RPP38: variants seen among roughly 807,000 people sequenced by gnomAD.
RPP38 encodes ribonuclease P/MRP subunit p38, also known as ribonuclease P protein subunit p38.
In RPP38, 2 loss-of-function variants were observed where a neutral mutation model predicts 1.7. The ratio of observed to expected loss-of-function variants is 1.18; its 90% confidence interval spans 0.48 to 3.70. The LOEUF (loss-of-function observed/expected upper bound fraction) is 3.70. Ranked by LOEUF, RPP38 falls within the 30% of genes most tolerant of loss-of-function variation. The pLI, the probability that RPP38 is intolerant of heterozygous loss-of-function variation, is 0.07. For synonymous variants in RPP38, 151 were observed against 131.8 expected, an observed-to-expected ratio of 1.15 and a Z score of -1.00; for missense variants, 358 against 340.1, an observed-to-expected ratio of 1.05 and a Z score of -0.41.
intron 1 of RPP38, among the ~76,000 whole-genome samples, chr10:15,099,029 C>G (rs1290103248): frequency 6.7e-6 from 1 of 150,304 alleles, no homozygotes; most frequent in Non-Finnish European, 1.5e-5. Context: ...TAATTACTTG[C>G]TAATATTTTT....
chr10:15,101,660 G>T (rs1295722159), intron 1 of RPP38, among the ~76,000 whole-genome samples: 2 of 152,176 alleles, frequency 1.3e-5, no homozygotes, highest in Non-Finnish European at 2.9e-5. Flanking sequence ...GGAAGCTGAG[G>T]TGGGTGAATC....
In RPP38 at chr10:15,097,512, T is replaced by C. The variant is rs1184054959; in HGVS notation, c.-384T>C. ...CCGAAGCCCGCGCGCACGCAGGGTC[T>C]CTGCTGCTTCCCCAACGCCTGTTGC... On this transcript the variant is annotated 5_prime_UTR_variant, in exon 1 of 3. Transcript: ENST00000378197. 1 of 152,296 alleles carries C rather than the reference T, an allele frequency of 6.6e-6. No homozygotes were observed. The highest frequency in any genetic ancestry group is 1.5e-5 in the Non-Finnish European group (1 of 68,082). 9.4% of individuals were successfully genotyped at this position (152,296 alleles called of 1,614,324 possible). A position where few individuals can be genotyped will look rare whatever the true frequency, so the allele number is the denominator to read the frequency against.
intron 1 of RPP38, among the ~76,000 whole-genome samples, chr10:15,102,003 CAG>C (rs1298702537): frequency 3.9e-5 from 6 of 152,056 alleles, no homozygotes; most frequent in Non-Finnish European, 8.8e-5. Flanking sequence ...GTGGACGTGA[CAG>C]TGTTATTTGA....
chr10:15,100,082 T>C (rs1277399682), intron 1 of RPP38, among the ~76,000 whole-genome samples: 5 of 152,230 alleles, frequency 3.3e-5, no homozygotes, highest in Admixed American at 3.3e-4. Context: ...CAGTACTTTG[T>C]TTCTGGATTA....
chr10:15,100,758 A>G (rs1845087157), intron 1 of RPP38, among the ~76,000 whole-genome samples: 1 of 151,280 alleles, frequency 6.6e-6, no homozygotes. Flanking sequence ...TTGACTCACT[A>G]CAACCTCCGT....
rs10906829 is a variant in RPP38 at position 15,101,257 on chromosome 10, C to A, written c.-129-961C>A. Among the ~76,000 whole-genome samples, 2 of 152,178 alleles carry A rather than the reference C, an allele frequency of 1.3e-5. 1 individual carries two copies. The highest frequency in any genetic ancestry group is 4.8e-5 in the African/African-American group (2 of 41,446). On this transcript the variant is annotated intron_variant, in intron 1 of 2. Transcript: ENST00000378197. ...AGAGAGTGCTTTATACAGCGATACACTGCACAGACACACTTGCCTTCAACA... is the reference window on the plus strand; with the variant it reads ...AGAGAGTGCTTTATACAGCGATACAATGCACAGACACACTTGCCTTCAACA...
rs756765287 is a variant in RPP38 at position 15,103,458 on chromosome 10, T to G, written c.144T>G (p.Leu48=). The G allele has an allele frequency of 3.7e-6, 6 of 1,614,112 alleles. No homozygotes were observed. In the South Asian group the frequency reaches 6.6e-5, roughly 18 times the overall value. ...ATATGCACTTCATCCTACAGACGCT[T>G]GAGGACAGGCTTAAAGCTATTGGAC... The part of the protein sequence containing the change: ...SEDMHFILQT[L]EDRLKAIGLQ... The change falls in exon 3 of 3, where the codon CTT becomes CTG. Residue 48 remains leucine, a synonymous_variant. Transcript: ENST00000378197.
rs2131438056 is a variant in RPP38 at position 15,104,120 on chromosome 10, A to T, written c.806A>T (p.Asn269Ile). The change falls in exon 3 of 3, where the codon AAT (asparagine) becomes ATT (isoleucine). Residue 269 changes from asparagine to isoleucine, a missense_variant. Coordinates refer to ENST00000378197, the MANE Select transcript of RPP38 (RefSeq NM_183005.5). ...ATAAAGAAACTGATTCCAAACCCTA[A>T]TAAGATAAGGAAACCACCCAAAAGT... ...LKIKKLIPNP[N>I]KIRKPPKSKK... 1 of 1,586,084 alleles carries T rather than the reference A, an allele frequency of 6.3e-7. No individual in the cohort carries two copies. The highest frequency in any genetic ancestry group is 8.5e-7 in the Non-Finnish European group (1 of 1,172,368).
chr10:15,103,977 T>G lies in RPP38; in HGVS notation c.663T>G (p.Thr221=). The G allele has an allele frequency of 6.2e-7, 1 of 1,614,058 alleles. No individual in the cohort carries two copies. The highest frequency in any genetic ancestry group is 8.5e-7 in the Non-Finnish European group (1 of 1,179,988). ...RIEDSGENLE[T]EPLESQDREL... ...AAGATTCTGGGGAAAATTTAGAGACTGAACCTCTGGAAAGCCAAGACAGAG... is the reference window on the plus strand; with the variant it reads ...AAGATTCTGGGGAAAATTTAGAGACGGAACCTCTGGAAAGCCAAGACAGAG... The change falls in exon 3 of 3, where the codon ACT becomes ACG. Residue 221 remains threonine, a synonymous_variant. Coordinates refer to ENST00000378197, the MANE Select transcript of RPP38 (RefSeq NM_183005.5).
chr10:15,104,121 T>G lies in RPP38; in HGVS notation c.807T>G (p.Asn269Lys). The change falls in exon 3 of 3, where the codon AAT becomes AAG. Residue 269 changes from asparagine (N) to lysine (K), a missense_variant. Physicochemically the swap from Asn to Lys is moderately conservative, Grantham distance 94 (BLOSUM62 0). Transcript: ENST00000378197. Reference sequence around the variant, plus strand: ...TAAAGAAACTGATTCCAAACCCTAATAAGATAAGGAAACCACCCAAAAGTA... The same window carrying G: ...TAAAGAAACTGATTCCAAACCCTAAGAAGATAAGGAAACCACCCAAAAGTA... ...LKIKKLIPNPNKIRKPPKSKK... is the reference protein window; with the variant it reads ...LKIKKLIPNPKKIRKPPKSKK... The G allele has an allele frequency of 6.3e-7, 1 of 1,583,262 alleles. No individual in the cohort carries two copies. The highest frequency in any genetic ancestry group is 8.5e-7 in the Non-Finnish European group (1 of 1,171,508).
In RPP38 at chr10:15,102,231, T is replaced by G. The variant is rs1589273191; in HGVS notation, c.-116T>G. On this transcript the variant is annotated 5_prime_UTR_variant, in exon 2 of 3. Transcript: ENST00000378197. ...TTTTTTTTGCAGACAGGGTCAGATG[T>G]GTTACTGGGCTGGAGTGTGGTGGCA... 6.6e-6 allele frequency: 1 copy of G among 150,526 alleles called. No homozygotes were observed. Among genetic ancestry groups the G allele is most frequent in the Admixed American group, 6.7e-5 (1 of 14,934 alleles). 9.3% of individuals were successfully genotyped at this position (150,526 alleles called of 1,614,324 possible).
At chr10:15,102,445 C>T (rs993373148) in intron 2 of RPP38, 109 bp downstream of exon 2, 1 of 152,012 alleles carries the variant, frequency 6.6e-6, no homozygotes, top group Non-Finnish European at 1.5e-5. Flanking sequence ...CACAGCCTCC[C>T]GAAATTCTGA....
In RPP38 at chr10:15,103,429, G is replaced by A. The variant is rs138478042; in HGVS notation, c.115G>A (p.Glu39Lys). The change falls in exon 3 of 3, where the codon GAG becomes AAG. Residue 39 changes from glutamate (E) to lysine (K), a missense_variant. Glu to Lys is a moderately conservative substitution (Grantham distance 56). Transcript: ENST00000378197. ...CATCCGCTGGAGCGCTCTGGAGAGC[G>A]AGGATATGCACTTCATCCTACAGAC... is the stretch of plus-strand genomic sequence containing the variant. ...YIIRWSALESEDMHFILQTLE... is the reference protein window; with the variant it reads ...YIIRWSALESKDMHFILQTLE... The A allele has an allele frequency of 3.2e-5, 51 of 1,614,096 alleles. No individual in the cohort carries two copies. The highest frequency in any genetic ancestry group is 4.0e-5 in the African/African-American group (3 of 74,936).
At chr10:15,101,727 TA>T (rs1214044491) in intron 1 of RPP38, among the ~76,000 whole-genome samples, 2 of 151,966 alleles carry the variant, frequency 1.3e-5, no homozygotes. Flanking sequence ...CCATCTCTAC[TA>T]AAAATACAAA....
rs747182566 is a variant in RPP38, at chr10:15,103,603, G to T, written c.289G>T (p.Ala97Ser). Residue 97 changes from alanine (A) to serine (S), a missense_variant, in exon 3 of 3, where the codon GCT (alanine) becomes TCT (serine). By Grantham distance (99) the Ala-to-Ser change is moderately conservative. Coordinates refer to ENST00000378197, the MANE Select transcript of RPP38 (RefSeq NM_183005.5). ...GAATCTGAAGGAGAAGAAAACAGAT[G>T]CTAAGCAGCAAGTGTCAGGGTGGAC... Reference protein sequence around the residue: ...SENLKEKKTDAKQQVSGWTPA... With the variant: ...SENLKEKKTDSKQQVSGWTPA... 1 of 1,614,138 alleles carries T rather than the reference G, an allele frequency of 6.2e-7. No individual in the cohort carries two copies. Among genetic ancestry groups the T allele is most frequent in the African/African-American group, 1.3e-5 (1 of 75,048 alleles).
rs1845208008 is a variant in RPP38 at position 15,103,876 on chromosome 10, G to A, written c.562G>A (p.Asp188Asn). Residue 188 changes from aspartate to asparagine, a missense_variant, in exon 3 of 3, where the codon GAC becomes AAC. Transcript: ENST00000378197. ...LALAFKKNTT[D>N]FVDEVRAIIP... Reference sequence around the variant, plus strand: ...CTTGGCGTTCAAAAAGAACACCACTGACTTTGTGGACGAAGTAAGAGCCAT... The same window carrying A: ...CTTGGCGTTCAAAAAGAACACCACTAACTTTGTGGACGAAGTAAGAGCCAT... 4 of 1,614,182 alleles carry A rather than the reference G, an allele frequency of 2.5e-6. No homozygotes were observed. The highest frequency in any genetic ancestry group is 2.5e-6 in the Non-Finnish European group (3 of 1,180,038).
intron 1 of RPP38, 148 bp from the exon 2 acceptor site, chr10:15,102,070 T>G (rs1295131787): frequency 5.3e-5 from 8 of 152,184 alleles, no homozygotes; most frequent in African/African-American, 1.9e-4. Flanking sequence ...CCTGATTGGT[T>G]GTGAATGGCA....
chr10:15,097,582 C>T lies in RPP38; in HGVS notation c.-314C>T, dbSNP rs575568145. On this transcript the variant is annotated 5_prime_UTR_variant, in exon 1 of 3. Transcript: ENST00000378197. ...CCCTCCCGGTTGGGCCGCCCAGTCC[C>T]GGGCCGGGCGCGTGCACCCAGAGCT... The T allele has an allele frequency of 1.2e-4, 19 of 152,428 alleles. No homozygotes were observed. Among genetic ancestry groups the T allele is most frequent in the Middle Eastern group, 6.8e-3 (2 of 296 alleles). 9.4% of individuals were successfully genotyped at this position (152,428 alleles called of 1,614,324 possible). A position where few individuals can be genotyped will look rare whatever the true frequency, so the allele number is the denominator to read the frequency against.
intron 1 of RPP38, among the ~76,000 whole-genome samples, chr10:15,100,409 GC>G (rs1845076538): frequency 6.6e-6 from 1 of 152,250 alleles, no homozygotes; most frequent in South Asian, 2.1e-4. Flanking sequence ...CTCTAGGGGA[GC>G]ATAGAGATAA....
Sources: allele counts gnomAD v4.1 joint callset (sites outside exome capture counted in the v4.1 genomes callset), GRCh38; gene constraint gnomAD v4.1.1; transcripts MANE v1.5; gene names NCBI Gene and HGNC (gene_info 2026-07-23, HGNC 2026-07-21).